KIAA1549L: variants seen among roughly 807,000 people sequenced by gnomAD.
The protein encoded by KIAA1549L is UPF0606 protein KIAA1549L.
Under a neutral mutation model 160.7 loss-of-function variants are expected in KIAA1549L, and 88 were observed. That is an observed-to-expected ratio of 0.55 (90% CI 0.46 to 0.65). KIAA1549L has a LOEUF of 0.65. Among genes scored for constraint, KIAA1549L ranks in the 30% least tolerant of loss-of-function variants. The pLI, the probability that KIAA1549L is intolerant of heterozygous loss-of-function variation, is 0.00. For missense variants in KIAA1549L, 2,258 were observed against 2,437.5 expected (o/e 0.93, Z 1.55); for synonymous variants, 950 against 976.7 (o/e 0.97, Z 0.51).
chr11:33,500,737 A>G (rs1852927663), intron 1 of KIAA1549L, among the ~76,000 whole-genome samples: 2 of 152,222 alleles, frequency 1.3e-5, no homozygotes, highest in African/African-American at 2.4e-5. Flanking sequence ...ATCACTACAT[A>G]TTGTATACAG....
chr11:33,630,602 G>A (rs7120970), intron 16 of KIAA1549L, among the ~76,000 whole-genome samples: 5,005 of 152,310 alleles, frequency 0.033, 205 homozygotes, highest in East Asian at 0.19. Context: ...GACCCTTTGC[G>A]CTTCCCGAGT....
chr11:33,627,961 A>G (rs911752051), intron 16 of KIAA1549L, among the ~76,000 whole-genome samples: 3 of 151,388 alleles, frequency 2.0e-5, no homozygotes, highest in African/African-American at 4.9e-5. Context: ...CTTTGAATGC[A>G]TCCCAGAGAT....
intron 1 of KIAA1549L, among the ~76,000 whole-genome samples, chr11:33,506,942 G>T (rs1287397001): frequency 6.6e-6 from 1 of 152,136 alleles, no homozygotes; most frequent in Non-Finnish European, 1.5e-5. Flanking sequence ...GGCCAAGGAG[G>T]GCATGGTGCT....
chr11:33,479,920 C>T (rs903000778), intron 1 of KIAA1549L, among the ~76,000 whole-genome samples: 7 of 152,164 alleles, frequency 4.6e-5, no homozygotes, highest in African/African-American at 9.7e-5. Context: ...ATGTTTAACA[C>T]GCAGAAACTT....
intron 8 of KIAA1549L, among the ~76,000 whole-genome samples, chr11:33,566,450 C>T (rs118007448): frequency 0.012 from 1,849 of 152,310 alleles, 12 homozygotes; most frequent in Non-Finnish European, 0.02. Context: ...TTCCAGGGGT[C>T]CTCTGGGACC....
chr11:33,451,554 A>G (rs1851721008), intron 1 of KIAA1549L, among the ~76,000 whole-genome samples: 1 of 152,236 alleles, frequency 6.6e-6, no homozygotes, highest in Non-Finnish European at 1.5e-5. Flanking sequence ...AAATGTCATT[A>G]AATTTTACTC....
rs567614710 is a variant in KIAA1549L, at chr11:33,419,936, C to T, written c.238+43047C>T. ...TATATATGAATAGCTTTATTTTTTT[C>T]AGCAGGAAGTGTTCAAAGAGACCGT... is the stretch of plus-strand genomic sequence containing the variant. On this transcript the variant is annotated intron_variant, in intron 1 of 20. Coordinates refer to ENST00000658780, the MANE Select transcript of KIAA1549L (RefSeq NM_012194.3). 6.6e-5 allele frequency among the ~76,000 whole-genome samples: 10 copies of T among 151,944 alleles called. No individual in the cohort carries two copies. The South Asian group carries it at 2.1e-3, about 32-fold the overall frequency.
chr11:33,597,336 G>A (rs1035074690), intron 12 of KIAA1549L, among the ~76,000 whole-genome samples: 1 of 152,142 alleles, frequency 6.6e-6, no homozygotes, highest in Admixed American at 6.5e-5. Context: ...GGGTATTAAA[G>A]TGTACAGACT....
intron 1 of KIAA1549L, among the ~76,000 whole-genome samples, chr11:33,454,660 T>A (rs1343209087): frequency 1.3e-5 from 2 of 151,428 alleles, no homozygotes; most frequent in Admixed American, 6.6e-5. Context: ...TGTATTGTAT[T>A]TTTTTTTCTT....
intron 1 of KIAA1549L, among the ~76,000 whole-genome samples, chr11:33,504,182 A>G (rs928185060): frequency 6.6e-6 from 1 of 152,026 alleles, no homozygotes; most frequent in African/African-American, 2.4e-5. Context: ...AATTGCTCGA[A>G]CCGGGGAGGT....
chr11:33,496,918 T>C (rs766756803), intron 1 of KIAA1549L, among the ~76,000 whole-genome samples: 4 of 152,158 alleles, frequency 2.6e-5, no homozygotes, highest in East Asian at 1.9e-4. Flanking sequence ...TAACTTTCTT[T>C]TGGTTTCTTA....
intron 1 of KIAA1549L, among the ~76,000 whole-genome samples, chr11:33,530,794 C>G (rs893388739): frequency 3.3e-5 from 5 of 152,062 alleles, no homozygotes; most frequent in Admixed American, 6.5e-5. Flanking sequence ...TATAATCAAG[C>G]TGTATTGTAA....
chr11:33,447,435 T>C (rs1208608599), intron 1 of KIAA1549L, among the ~76,000 whole-genome samples: 1 of 151,878 alleles, frequency 6.6e-6, no homozygotes, highest in Non-Finnish European at 1.5e-5. Context: ...CTAAAAAACC[T>C]TTGTAATATT....
chr11:33,484,109 T>A (rs1348289613), intron 1 of KIAA1549L, among the ~76,000 whole-genome samples: 1 of 152,228 alleles, frequency 6.6e-6, no homozygotes, highest in Non-Finnish European at 1.5e-5. Flanking sequence ...CTTATTTCTA[T>A]AATTATTTTC....
rs185844914 is a variant in KIAA1549L at position 33,542,219 on chromosome 11, C to T, written c.656C>T (p.Pro219Leu). Residue 219 changes from proline (P) to leucine (L), a missense_variant, in exon 2 of 21, where the codon CCA (proline) becomes CTA (leucine). Pro to Leu is a moderately conservative substitution (Grantham distance 98). Transcript: ENST00000658780. ...PSGTSFSAVP[P>L]SQPVWAGTSS... Reference sequence around the variant, plus strand: ...GGGACATCCTTCAGTGCTGTCCCCCCATCCCAGCCAGTATGGGCAGGGACT... The same window carrying T: ...GGGACATCCTTCAGTGCTGTCCCCCTATCCCAGCCAGTATGGGCAGGGACT... 3.0e-6 allele frequency: 2 copies of T among 659,332 alleles called. No individual in the cohort carries two copies. Among genetic ancestry groups the T allele is most frequent in the East Asian group, 2.9e-5 (1 of 34,578 alleles). The allele number at this position is 659,332 out of a possible 1,614,324, so 40.8% of individuals were successfully genotyped here.
chr11:33,504,267 A>G (rs1239866093), intron 1 of KIAA1549L, among the ~76,000 whole-genome samples: 1 of 152,204 alleles, frequency 6.6e-6, no homozygotes, highest in East Asian at 1.9e-4. Context: ...TCTTAAAAAA[A>G]AAAAATCTTA....
At chr11:33,455,442 A>G (rs1311576480) in intron 1 of KIAA1549L, among the ~76,000 whole-genome samples, 2 of 152,192 alleles carry the variant, frequency 1.3e-5, no homozygotes, top group East Asian at 3.8e-4. Flanking sequence ...TCAGGGGGAG[A>G]CAAGATTCCT....
chr11:33,592,261 T>C (rs1850077762), intron 12 of KIAA1549L, among the ~76,000 whole-genome samples: 1 of 152,230 alleles, frequency 6.6e-6, no homozygotes, highest in South Asian at 2.1e-4. Context: ...CTTTATTATC[T>C]AGGCAACGGG....
chr11:33,630,559 A>G (rs545694491), intron 16 of KIAA1549L, among the ~76,000 whole-genome samples: 12 of 152,158 alleles, frequency 7.9e-5, no homozygotes, highest in Middle Eastern at 3.4e-3. Flanking sequence ...GCCGTTTGTC[A>G]CCCCTTTCTT....
Sources: allele counts gnomAD v4.1 joint callset (sites outside exome capture counted in the v4.1 genomes callset), GRCh38; gene constraint gnomAD v4.1.1; transcripts MANE v1.5; gene names NCBI Gene and HGNC (gene_info 2026-07-23, HGNC 2026-07-21).